The following TRIM5 variants were observed in gnomAD, a reference collection of about 807,000 sequenced individuals.
The protein encoded by TRIM5 is tripartite motif containing 5, also known as tripartite motif-containing protein 5.
TRIM5 carries 31 observed loss-of-function variants against 35.6 expected under a neutral mutation model. The ratio of observed to expected loss-of-function variants is 0.87; its 90% CI spans 0.65 to 1.18. TRIM5 has a LOEUF of 1.18. Among genes scored for constraint, TRIM5 ranks in the 50% most tolerant of loss-of-function variants. The pLI is 0.00. For synonymous variants in TRIM5, 243 were observed against 215.6 expected (o/e 1.13, Z -1.11); for missense variants, 609 against 591.6 (o/e 1.03, Z -0.31).
At chr11:5,648,245 A>G in the TRIM5 span, among the ~76,000 whole-genome samples, 125 of 152,062 alleles carry the variant, frequency 8.2e-4, no homozygotes, top group Non-Finnish European at 1.4e-3. Flanking sequence ...GGTGGCTTAC[A>G]CCTGTAATCC....
chr11:5,681,959 C>T (rs1201674970), intron 1 of TRIM5, among the ~76,000 whole-genome samples: 6 of 152,088 alleles, frequency 3.9e-5, no homozygotes, highest in Non-Finnish European at 5.9e-5. Flanking sequence ...CCACCACACC[C>T]GGCTAATTTT....
In TRIM5 at chr11:5,684,895, A is replaced by G. The variant is rs948222947; in HGVS notation, c.-89T>C. The G allele has an allele frequency of 1.5e-4, 23 of 152,222 alleles. No individual in the cohort carries two copies. The highest frequency in any genetic ancestry group is 5.1e-4 in the African/African-American group (21 of 41,434). 9.4% of individuals were successfully genotyped at this position (152,222 alleles called of 1,614,324 possible). A position where few individuals can be genotyped will look rare whatever the true frequency, so the allele number is the denominator to read the frequency against. ...AGGTAAATACAGTTTTGTCCCAAAGACTTCCTACTTCTGCCCTCCACAAAA... is the reference window on the plus strand; with the variant it reads ...AGGTAAATACAGTTTTGTCCCAAAGGCTTCCTACTTCTGCCCTCCACAAAA... On this transcript the variant is annotated 5_prime_UTR_variant, in exon 1 of 8. Transcript: ENST00000380034.
intron 4 of TRIM5, among the ~76,000 whole-genome samples, chr11:5,675,636 CT>C (rs1851899235): frequency 1.3e-5 from 2 of 151,476 alleles, no homozygotes; most frequent in African/African-American, 2.4e-5. Flanking sequence ...AAGGATGCCC[CT>C]GGGGGTGCTA....
At chr11:5,677,978 C>T in intron 4 of TRIM5, 1 of 414,314 alleles carries the variant, frequency 2.4e-6, no homozygotes, top group South Asian at 4.9e-5. Context: ...GCTAATTGAT[C>T]ATCTCCACTA....
At chr11:5,615,577 GT>G in the TRIM5 span, among the ~76,000 whole-genome samples, 15 of 109,474 alleles carry the variant, frequency 1.4e-4, no homozygotes, top group Admixed American at 8.6e-4. Flanking sequence ...CTTGTTTTTT[GT>G]TTTTTTTTTG....
the TRIM5 span, chr11:5,632,539 G>T: frequency 6.2e-7 from 1 of 1,613,906 alleles, no homozygotes; most frequent in Non-Finnish European, 8.5e-7. Context: ...ACATCTACAG[G>T]CTAATCAGCA....
chr11:5,628,731 A>G, the TRIM5 span, among the ~76,000 whole-genome samples: 1 of 152,150 alleles, frequency 6.6e-6, no homozygotes, highest in Non-Finnish European at 1.5e-5. Flanking sequence ...CACAAACTAG[A>G]TGACTTAAAA....
In TRIM5 at chr11:5,679,951, A is replaced by G; in HGVS notation, c.227T>C (p.Ile76Thr). 6.2e-7 allele frequency: 1 copy of G among 1,613,898 alleles called. No homozygotes were observed. The highest frequency in any genetic ancestry group is 8.5e-7 in the Non-Finnish European group (1 of 1,180,002). The change falls in exon 2 of 8, where the codon ATA becomes ACA. Residue 76 changes from isoleucine (I) to threonine (T), a missense_variant. By Grantham distance (89) the Ile-to-Thr change is moderately conservative (BLOSUM62 -1). Coordinates refer to ENST00000380034, the MANE Select transcript of TRIM5 (RefSeq NM_033034.3). ...NIRPNRHVAN[I>T]VEKLREVKLS... is the part of the protein sequence containing the mutation. ...CTTGACCTCCCTGAGCTTCTCCACT[A>G]TGTTGGCTACATGCCGATTAGGCCG...
At chr11:5,611,562 T>A in the TRIM5 span, 1 of 472,610 alleles carries the variant, frequency 2.1e-6, no homozygotes, top group Non-Finnish European at 3.7e-6. Context: ...CAAGCGAACC[T>A]CCTGCCTCAG....
rs35734937 is a variant in TRIM5, at chr11:5,666,090, T to TAAAAAAA, written c.768-16_768-10dup. The TAAAAAAA allele has an allele frequency of 8.2e-7, 1 of 1,224,378 alleles. No homozygotes were observed. The allele number at this position is 1,224,378 out of a possible 1,614,324, so 75.8% of individuals were successfully genotyped here. ...AGGTCACGTTCTCCGTCCTAAGAAT[T>TAAAAAAA]AAAAAAAAAAAAAAAAACTTCCAAA... On this transcript the variant is annotated splice_polypyrimidine_tract_variant and intron_variant, in intron 5 of 7. Transcript: ENST00000380034.
At chr11:5,680,723 TCTGA>T (rs1365188127) in intron 1 of TRIM5, among the ~76,000 whole-genome samples, 1 of 152,256 alleles carries the variant, frequency 6.6e-6, no homozygotes, top group Non-Finnish European at 1.5e-5. Context: ...AAATACCTGC[TCTGA>T]CTACCTTATG....
chr11:5,628,811 T>C, the TRIM5 span, among the ~76,000 whole-genome samples: 1 of 151,828 alleles, frequency 6.6e-6, no homozygotes, highest in South Asian at 2.1e-4. Context: ...AGTTGATTTT[T>C]TTTTTTCAGA....
the TRIM5 span, among the ~76,000 whole-genome samples, chr11:5,647,670 A>C: frequency 6.6e-6 from 1 of 152,146 alleles, no homozygotes; most frequent in African/African-American, 2.4e-5. Flanking sequence ...CTACAGGCAC[A>C]CGCCACCATG....
At chr11:5,617,688 C>A in the TRIM5 span, among the ~76,000 whole-genome samples, 2 of 144,208 alleles carry the variant, frequency 1.4e-5, no homozygotes, top group Non-Finnish European at 3.1e-5. Flanking sequence ...CGGGGTTTCG[C>A]CATGTTAGCC....
the TRIM5 span, among the ~76,000 whole-genome samples, chr11:5,588,671 A>G: frequency 7.0e-6 from 1 of 142,396 alleles, no homozygotes; most frequent in South Asian, 2.2e-4. Context: ...GAAGCTTTTT[A>G]AAAAGCACTT....
the TRIM5 span, chr11:5,610,966 A>C: frequency 1.9e-6 from 3 of 1,614,176 alleles, no homozygotes; most frequent in South Asian, 3.3e-5. Context: ...GTGGCCAAGA[A>C]GACTGCCTGG....
At chr11:5,635,559 T>A in the TRIM5 span, among the ~76,000 whole-genome samples, 1 of 152,078 alleles carries the variant, frequency 6.6e-6, no homozygotes, top group Non-Finnish European at 1.5e-5. Context: ...CCCAGCCCCC[T>A]GTTACTTTTT....
the TRIM5 span, among the ~76,000 whole-genome samples, chr11:5,626,210 G>T: frequency 3.3e-5 from 5 of 152,172 alleles, no homozygotes; most frequent in African/African-American, 1.2e-4. Context: ...TATAAAGCAG[G>T]CTGCTAATGT....
At chr11:5,651,625 G>C in the TRIM5 span, among the ~76,000 whole-genome samples, 2 of 152,122 alleles carry the variant, frequency 1.3e-5, no homozygotes, top group East Asian at 3.9e-4. Context: ...TGTCTTTATG[G>C]TAGAATGATT....
Sources: gnomAD v4.1 joint callset for allele counts (sites outside exome capture counted in the v4.1 genomes callset) on GRCh38, gnomAD v4.1.1 for gene constraint, MANE v1.5 for transcripts, NCBI Gene and HGNC (gene_info 2026-07-23, HGNC 2026-07-21) for gene names.